HELZ2: variants seen among roughly 807,000 people sequenced by gnomAD.
HELZ2 encodes 3'-5' exoribonuclease HELZ2.
Under a neutral mutation model 208.8 loss-of-function variants are expected in HELZ2, and 143 were observed. The observed-to-expected ratio is 0.68, with a 90% CI of 0.60 to 0.79. The LOEUF (loss-of-function observed/expected upper bound fraction) is 0.79, where lower values mean the gene tolerates loss of function less well. Ranked by LOEUF, HELZ2 falls within the 30% of genes least tolerant of loss-of-function variation. The probability of loss-of-function intolerance (pLI) is 0.00; values close to 1 mark genes in which losing one functional copy is unlikely to be tolerated. For missense variants in HELZ2, 3,690 were observed against 3,794.5 expected (o/e 0.97, Z 0.72); for synonymous variants, 1,705 against 1,693.7 (o/e 1.01, Z -0.16).
exon 12 of HELZ2, chr20:63,561,702 G>A (rs746230662): frequency 6.2e-7 from 1 of 1,611,990 alleles, no homozygotes; most frequent in South Asian, 1.1e-5. Flanking sequence ...CCTGCTCACT[G>A]TACACACGGA....
Position 63,568,333 on chromosome 20 carries a change from G to A in HELZ2, c.1730+25C>T, listed in dbSNP as rs1254383686. The stretch of plus-strand genomic sequence containing the variant: ...ACTTGGGCCGGGCGTCAGGTGAGGT[G>A]GGGGCAGGCCAGGCTCGGGCTTACC... On this transcript the variant is annotated intron_variant, in intron 5 of 18. Coordinates refer to ENST00000467148, the Ensembl canonical transcript of HELZ2. 3.2e-6 allele frequency: 5 copies of A among 1,564,046 alleles called. No homozygotes were observed. The South Asian group carries it at 3.4e-5, about 11-fold the overall frequency.
rs147465782 is a variant in HELZ2, at chr20:63,565,738, G to A, written c.3084C>T (p.Asp1028=). The change falls in exon 8 of 19, where the codon GAC becomes GAT. Residue 1028 remains aspartate (D), a synonymous_variant. Coordinates refer to ENST00000467148, the Ensembl canonical transcript of HELZ2. Reference sequence around the variant, plus strand: ...CGGGCACCACGTCTTCCTTCACTGCGTCTCCTGCTGGTGCTGCCGCAGCCT... The same window carrying A: ...CGGGCACCACGTCTTCCTTCACTGCATCTCCTGCTGGTGCTGCCGCAGCCT... The A allele has an allele frequency of 1.8e-4, 289 of 1,603,838 alleles. 2 individuals carry two copies. The African/African-American group carries it at 3.3e-3, about 18-fold the overall frequency.
chr20:63,565,682 G>A lies in HELZ2; in HGVS notation c.3140C>T (p.Ala1047Val), dbSNP rs1358040811. The A allele has an allele frequency of 1.2e-5, 20 of 1,608,740 alleles. 1 individual carries two copies. The highest frequency in any genetic ancestry group is 6.7e-5 in the East Asian group (3 of 44,876). The stretch of plus-strand genomic sequence containing the variant: ...CTCAGCCTCCGTGGACTCCACGCCC[G>A]CTGCAGCAGCCGCTCCTGCCGCACA... Residue 1047 changes from alanine to valine, a missense_variant, in exon 8 of 19, where the codon GCG becomes GTG. This residue lies in a region of HELZ2 where 2,564 missense variants were observed against 2,580.5 expected (regional missense o/e 0.99). Transcript: ENST00000467148.
At chr20:63,559,126 G>T, downstream of HELZ2, 3 of 1,119,056 alleles carry the variant, frequency 2.7e-6, no homozygotes, top group African/African-American at 3.3e-5. Flanking sequence ...GCCCCAGGGA[G>T]ATCCTGAGGC....
chr20:63,566,484 C>T, intron 6 of HELZ2, 31 bp from the exon 8 acceptor site: 1 of 1,539,726 alleles, frequency 6.5e-7, no homozygotes. Flanking sequence ...GGGATGAGTG[C>T]TGGACGCAGT....
upstream of HELZ2, among the ~76,000 whole-genome samples, chr20:63,573,423 T>C (rs1183397544): frequency 4.6e-5 from 7 of 152,106 alleles, no homozygotes; most frequent in Non-Finnish European, 1.5e-5. The surrounding 1 kb of genome is among the most constrained non-coding windows in gnomAD (Gnocchi z 4.9). Flanking sequence ...CTGTGTCCTG[T>C]CAGGGAGTAC....
At chr20:63,558,196 G>A (rs1166856609), downstream of HELZ2, 1 of 152,554 alleles carries the variant, frequency 6.6e-6, no homozygotes, top group East Asian at 1.9e-4. Flanking sequence ...CTCAGGACTG[G>A]AGGCGGCAGC....
chr20:63,569,043 GCCC>G, intron 4 of HELZ2, 44 bp from the exon 6 acceptor site: 1 of 1,595,670 alleles, frequency 6.3e-7, no homozygotes, highest in Non-Finnish European at 8.5e-7. Context: ...ACAGCTGCCA[GCCC>G]CGCTGCCAAG....
downstream of HELZ2, chr20:63,559,148 C>T: frequency 7.6e-7 from 1 of 1,312,988 alleles, no homozygotes; most frequent in Non-Finnish European, 1.0e-6. Context: ...AGGAGGCAGG[C>T]TGGCCCAGGC....
chr20:63,563,556 G>C, exon 8 of HELZ2: 1 of 1,519,608 alleles, frequency 6.6e-7, no homozygotes, highest in Non-Finnish European at 8.8e-7. Context: ...GGGAAGAGCA[G>C]CCGGAAGCAG....
chr20:63,562,671 A>G (rs1272620679), exon 8 of HELZ2: 2 of 1,598,482 alleles, frequency 1.3e-6, no homozygotes, highest in Admixed American at 3.5e-5. Context: ...TCCTGGTCCC[A>G]GTCCTGCGTC....
At chr20:63,570,769 C>T in exon 2 of HELZ2, 1 of 1,610,596 alleles carries the variant, frequency 6.2e-7, no homozygotes, top group Non-Finnish European at 8.5e-7. Flanking sequence ...AGGCCGCCTG[C>T]CCCCGCAGCT....
rs772546741 is a variant in HELZ2 at position 63,566,181 on chromosome 20, G to A, written c.2641C>T (p.Leu881=). The A allele has an allele frequency of 8.5e-6, 13 of 1,524,456 alleles. No homozygotes were observed. The East Asian group carries it at 3.0e-4, about 35-fold the overall frequency. The allele number at this position is 1,524,456 out of a possible 1,614,324, so 94.4% of individuals were successfully genotyped here. A position where few individuals can be genotyped will look rare whatever the true frequency, so the allele number is the denominator to read the frequency against. Residue 881 remains leucine (L), a synonymous_variant, in exon 8 of 19, where the codon CTG becomes TTG. Transcript: ENST00000467148. Reference sequence around the variant, plus strand: ...GGGGCCAGTGCCCCAGGGCTGAGCAGGCTCTGGCAGGTGTGCACAGTGCTG... The same window carrying A: ...GGGGCCAGTGCCCCAGGGCTGAGCAAGCTCTGGCAGGTGTGCACAGTGCTG...
chr20:63,563,752 C>T lies in HELZ2; in HGVS notation c.5070G>A (p.Ala1690=), dbSNP rs75932052. ...AGTAGGCAGAGCCCCCATGGCCCAG[C>T]GCCAGCAGGATCTGCCGCTGCAACA... The change falls in exon 8 of 19, where the codon GCG becomes GCA. Residue 1690 remains alanine (A), a synonymous_variant. Transcript: ENST00000467148. 5.1e-4 allele frequency: 822 copies of T among 1,601,064 alleles called. 21 individuals are homozygous for T. In the East Asian group the frequency reaches 0.018, roughly 35 times the overall value.
exon 6 of HELZ2, chr20:63,566,981 T>C (rs1460760928): frequency 6.2e-7 from 1 of 1,611,576 alleles, no homozygotes; most frequent in Admixed American, 1.7e-5. Context: ...GCCATGGACA[T>C]GTCCCGGTCT....
At chr20:63,565,580 T>A in exon 8 of HELZ2, 1 of 1,609,106 alleles carries the variant, frequency 6.2e-7, no homozygotes, top group Non-Finnish European at 8.5e-7. Context: ...CTTCTGGCTC[T>A]CGTCCAGAAG....
rs201869587 is a variant in HELZ2, at chr20:63,561,818, C to T, written c.6691+5G>A. 2.5e-4 allele frequency: 383 copies of T among 1,556,674 alleles called. No homozygotes were observed. The African/African-American group carries it at 4.5e-3, about 18-fold the overall frequency. On this transcript the variant is annotated splice_donor_5th_base_variant and intron_variant, in intron 11 of 18. Coordinates refer to ENST00000467148, the Ensembl canonical transcript of HELZ2. ...CAAAGGCCCCCACCGCCGACCCCGGCGCACCTGCCAGGACATCCACCGACT... is the reference window on the plus strand; with the variant it reads ...CAAAGGCCCCCACCGCCGACCCCGGTGCACCTGCCAGGACATCCACCGACT...
chr20:63,562,620 G>T (rs754279990), exon 8 of HELZ2: 2 of 1,592,928 alleles, frequency 1.3e-6, no homozygotes, highest in East Asian at 2.3e-5. Flanking sequence ...TGGACGAAGA[G>T]GTGCACCCGT....
chr20:63,559,354 CAGA>C, exon 19 of HELZ2: 4 of 1,598,590 alleles, frequency 2.5e-6, no homozygotes, highest in South Asian at 1.1e-5. Flanking sequence ...GGCAGCAGCG[CAGA>C]AGGAGGTGGT....
Sources: gnomAD v4.1 joint callset for allele counts (sites outside exome capture counted in the v4.1 genomes callset) on GRCh38, gnomAD v4.1.1 for gene constraint, gnomAD v4.1.1 regional missense constraint, Gnocchi (gnomAD v3.1) non-coding constraint, MANE v1.5 for transcripts, NCBI Gene and HGNC (gene_info 2026-07-23, HGNC 2026-07-21) for gene names.